Variants in CHD7 observed in about 807,000 individuals in gnomAD.
CHD7 encodes the protein ATP-dependent chromatin remodeler CHD7.
CHD7 carries 24 observed loss-of-function variants against 307.3 expected under a neutral mutation model. That is an observed-to-expected ratio of 0.08 (90% confidence interval 0.06 to 0.11). The LOEUF (loss-of-function observed/expected upper bound fraction) is 0.11, where lower values mean the gene tolerates loss of function less well. CHD7 is among the 10% of genes least tolerant of loss of function. CHD7 has a pLI of 1.00. For missense variants in CHD7, 3,106 were observed against 3,727.1 expected (o/e 0.83, Z 4.34); for synonymous variants, 1,363 against 1,349.9 (o/e 1.01, Z -0.21).
In CHD7 at chr8:60,742,556, A is replaced by C; in HGVS notation, c.1124A>C (p.Gln375Pro). The C allele has an allele frequency of 6.2e-7, 1 of 1,614,038 alleles. No individual in the cohort carries two copies. Among genetic ancestry groups the C allele is most frequent in the Non-Finnish European group, 8.5e-7 (1 of 1,179,902 alleles). The change falls in exon 2 of 38, where the codon CAA (glutamine) becomes CCA (proline). Residue 375 changes from glutamine (Q) to proline (P), a missense_variant. Transcript: ENST00000423902. ...QPIHPSGSLN[Q>P]MNTQTMHPSQ... ...ATCCACCCCAGTGGCTCACTTAACC[A>C]AATGAACACACAAACTATGCATCCT...
chr8:60,780,036 A>G (rs1681789341), intron 2 of CHD7, among the ~76,000 whole-genome samples: 1 of 152,226 alleles, frequency 6.6e-6, no homozygotes, highest in African/African-American at 2.4e-5. Flanking sequence ...TGAGAGACAT[A>G]TGTAGATTTA....
At chr8:60,820,355 C>T (rs1475257170) in intron 9 of CHD7, among the ~76,000 whole-genome samples, 2 of 152,018 alleles carry the variant, frequency 1.3e-5, no homozygotes, top group African/African-American at 4.8e-5. Context: ...TGCACAATTC[C>T]ACAATATGAT....
rs771367272 is a variant in CHD7 at position 60,821,879 on chromosome 8, C to T, written c.2787C>T (p.Ile929=). 40 of 1,609,812 alleles carry T rather than the reference C, an allele frequency of 2.5e-5. No homozygotes were observed. The highest frequency in any genetic ancestry group is 2.1e-4 in the South Asian group (19 of 90,270). Residue 929 remains isoleucine, a synonymous_variant, in exon 10 of 38, where the codon ATC becomes ATT. Coordinates refer to ENST00000423902, the MANE Select transcript of CHD7 (RefSeq NM_017780.4). The stretch of plus-strand genomic sequence containing the variant: ...GGCAGGACATAGATCAAGCAAAGAT[C>T]GAGGAGTTTGAGAAACTAATGTCCA... ...ERRQDIDQAK[I]EEFEKLMSRE...
intron 5 of CHD7, among the ~76,000 whole-genome samples, chr8:60,801,149 A>G (rs536712836): frequency 6.6e-6 from 1 of 152,294 alleles, no homozygotes; most frequent in South Asian, 2.1e-4. Flanking sequence ...CCATAGATAA[A>G]AGATGCCTAC....
At chr8:60,765,791 A>G (rs1290009930) in intron 2 of CHD7, among the ~76,000 whole-genome samples, 1 of 152,222 alleles carries the variant, frequency 6.6e-6, no homozygotes, top group Non-Finnish European at 1.5e-5. Context: ...GTACAGAAGC[A>G]TGGGCGCTTT....
intron 37 of CHD7, 175 bp from the exon 38 acceptor site, chr8:60,864,841 A>G (rs1346841065): frequency 1.2e-5 from 8 of 671,866 alleles, no homozygotes; most frequent in Non-Finnish European, 1.7e-5. Context: ...CAGCAAGCTA[A>G]CATAATAATA....
Position 60,866,869 on chromosome 8 carries a change from C to T in CHD7, c.*936C>T, listed in dbSNP as rs1488086893. On this transcript the variant is annotated 3_prime_UTR_variant, in exon 38 of 38. Transcript: ENST00000423902. ...ATTGCTGCCAACTGTAGTAATGATG[C>T]TTTTAATAAAAGTGACCCATGATAT... 6.6e-6 allele frequency: 1 copy of T among 152,540 alleles called. No individual in the cohort carries two copies. The highest frequency in any genetic ancestry group is 1.5e-5 in the Non-Finnish European group (1 of 68,012). 9.4% of individuals were successfully genotyped at this position (152,540 alleles called of 1,614,324 possible).
chr8:60,858,108 T>C (rs143684910), intron 34 of CHD7, among the ~76,000 whole-genome samples: 1 of 152,274 alleles, frequency 6.6e-6, no homozygotes, highest in Non-Finnish European at 1.5e-5. Context: ...TTATAAAAAT[T>C]AGCCTGGTCT....
rs201132710 is a variant in CHD7, at chr8:60,865,378, C to T, written c.8439C>T (p.Gly2813=). 503 of 1,611,926 alleles carry T rather than the reference C, an allele frequency of 3.1e-4. 2 individuals are homozygous for T. In the African/African-American group the frequency reaches 5.8e-3, roughly 19 times the overall value. Residue 2813 remains glycine, a synonymous_variant, in exon 38 of 38, where the codon GGC becomes GGT. Coordinates refer to ENST00000423902, the MANE Select transcript of CHD7 (RefSeq NM_017780.4). This position sits in a 1 kb window ranked among gnomAD's most constrained non-coding sequence, Gnocchi z 4.3. The stretch of plus-strand genomic sequence containing the variant: ...GCCTGCCCAACGTGTTTGGCTTGGG[C>T]GGGCTGTTGAATAACCCTCTGTCAG... The part of the protein sequence containing the change: ...MAGLPNVFGL[G]GLLNNPLSAA...
rs754874152 is a variant in CHD7, at chr8:60,742,460, C to G, written c.1028C>G (p.Ser343Cys). 5.0e-6 allele frequency: 8 copies of G among 1,614,042 alleles called. No individual in the cohort carries two copies. Among genetic ancestry groups the G allele is most frequent in the Non-Finnish European group, 5.9e-6 (7 of 1,179,888 alleles). Reference sequence around the variant, plus strand: ...ACAAATAATACTCCAATGAATCAGTCCGTACCAAGATACCCCAATGCTGTA... The same window carrying G: ...ACAAATAATACTCCAATGAATCAGTGCGTACCAAGATACCCCAATGCTGTA... ...GLTNNTPMNQ[S>C]VPRYPNAVGF... The change falls in exon 2 of 38, where the codon TCC becomes TGC. Residue 343 changes from serine (S) to cysteine (C), a missense_variant. Ser to Cys is a moderately radical substitution (Grantham distance 112, BLOSUM62 -1). Coordinates refer to ENST00000423902, the MANE Select transcript of CHD7 (RefSeq NM_017780.4).
At chr8:60,773,444 A>G (rs927022568) in intron 2 of CHD7, among the ~76,000 whole-genome samples, 1 of 152,240 alleles carries the variant, frequency 6.6e-6, no homozygotes, top group African/African-American at 2.4e-5. Flanking sequence ...TTATGAAGCA[A>G]CAGAGACACA....
intron 7 of CHD7, among the ~76,000 whole-genome samples, chr8:60,814,349 A>G (rs887043198): frequency 5.3e-5 from 8 of 152,242 alleles, no homozygotes; most frequent in Non-Finnish European, 1.2e-4. Context: ...CACCTCAGCC[A>G]AGGCAAGAAT....
intron 3 of CHD7, among the ~76,000 whole-genome samples, chr8:60,782,122 A>C (rs893426779): frequency 6.6e-6 from 1 of 152,242 alleles, no homozygotes; most frequent in African/African-American, 2.4e-5. Context: ...ATTTGTAGTG[A>C]ATGTTTCTTA....
At chr8:60,813,275 A>G (rs929693536) in intron 7 of CHD7, among the ~76,000 whole-genome samples, 1 of 152,132 alleles carries the variant, frequency 6.6e-6, no homozygotes, top group African/African-American at 2.4e-5. Context: ...TTGCTGGATT[A>G]TTTTATTATA....
chr8:60,685,774 C>T (rs117095732), intron 1 of CHD7, among the ~76,000 whole-genome samples: 5,259 of 152,090 alleles, frequency 0.035, 128 homozygotes, highest in Non-Finnish European at 0.049. Context: ...GCATGGTTGC[C>T]GGTGGCAGAT....
At chr8:60,796,696 A>G (rs987598826) in intron 4 of CHD7, among the ~76,000 whole-genome samples, 3 of 151,870 alleles carry the variant, frequency 2.0e-5, no homozygotes, top group Non-Finnish European at 4.4e-5. Flanking sequence ...TATCCTTTCT[A>G]ATTGGCTAGG....
In CHD7 at chr8:60,822,276, A is replaced by G. The variant is rs966374896; in HGVS notation, c.2957+131A>G. 10 of 752,792 alleles carry G rather than the reference A, an allele frequency of 1.3e-5. No homozygotes were observed. The South Asian group carries it at 2.7e-4, about 20-fold the overall frequency. The allele number at this position is 752,792 out of a possible 1,614,324, so 46.6% of individuals were successfully genotyped here. A position where few individuals can be genotyped will look rare whatever the true frequency, so the allele number is the denominator to read the frequency against. On this transcript the variant is annotated intron_variant, in intron 11 of 37. Transcript: ENST00000423902. ...CTTTTTCAAAAAACAAGCATTGAAAATATATGTAATATTTAATAAATATTA... is the reference window on the plus strand; with the variant it reads ...CTTTTTCAAAAAACAAGCATTGAAAGTATATGTAATATTTAATAAATATTA...
Position 60,853,430 on chromosome 8 carries a change from A to G in CHD7, c.6705A>G (p.Lys2235=), listed in dbSNP as rs199621893. ...CTGGGTCCAAATCTATTTCAGAGAA[A>G]GGTTCCGAAGAGGATGAAGAGGAAA... ...ADTGSKSISE[K]GSEEDEEEKL... The change falls in exon 31 of 38, where the codon AAA becomes AAG. Residue 2235 remains lysine, a synonymous_variant. Transcript: ENST00000423902. The G allele has an allele frequency of 7.2e-6, 11 of 1,521,544 alleles. No individual in the cohort carries two copies. Among genetic ancestry groups the G allele is most frequent in the East Asian group, 2.3e-5 (1 of 44,212 alleles). 94.3% of individuals were successfully genotyped at this position (1,521,544 alleles called of 1,614,324 possible).
chr8:60,852,962 G>T lies in CHD7; in HGVS notation c.6237G>T (p.Lys2079Asn), dbSNP rs770857676. 2 of 1,614,048 alleles carry T rather than the reference G, an allele frequency of 1.2e-6. No homozygotes were observed. The highest frequency in any genetic ancestry group is 1.6e-4 in the Middle Eastern group (1 of 6,062). The stretch of plus-strand genomic sequence containing the variant: ...ACCCCCAGCTGGGAGAGAGGCTTAA[G>T]CTCTGCCAGCCAAGCTTGGATCTGC... ...LHHPQLGERL[K>N]LCQPSLDLPE... The change falls in exon 31 of 38, where the codon AAG (lysine) becomes AAT (asparagine). Residue 2079 changes from lysine (K) to asparagine (N), a missense_variant. This residue lies in a region of CHD7 where 1,030 missense variants were observed against 1,165.4 expected (regional missense o/e 0.88). Coordinates refer to ENST00000423902, the MANE Select transcript of CHD7 (RefSeq NM_017780.4).
Sources: gnomAD v4.1 joint callset for allele counts (sites outside exome capture counted in the v4.1 genomes callset) on GRCh38, gnomAD v4.1.1 for gene constraint, gnomAD v4.1.1 regional missense constraint, Gnocchi (gnomAD v3.1) non-coding constraint, MANE v1.5 for transcripts, NCBI Gene and HGNC (gene_info 2026-07-23, HGNC 2026-07-21) for gene names.